Variants in CYRIB observed in about 807,000 individuals in gnomAD.
CYRIB encodes CYFIP related Rac1 interactor B, also known as CYFIP-related Rac1 interactor B.
CYRIB carries 8 observed loss-of-function variants against 44.2 expected under a neutral mutation model. The ratio of observed to expected loss-of-function variants is 0.18; its 90% confidence interval spans 0.11 to 0.33. The LOEUF (loss-of-function observed/expected upper bound fraction) is 0.33. Ranked by LOEUF, CYRIB falls within the 10% of genes least tolerant of loss-of-function variation. CYRIB has a pLI of 1.00. For missense variants in CYRIB, 185 were observed against 382.8 expected (o/e 0.48, Z 4.31); for synonymous variants, 131 against 127.2 (o/e 1.03, Z -0.20).
chr8:129,992,016 TC>T (rs2096650887), intron 1 of CYRIB, among the ~76,000 whole-genome samples: 1 of 138,440 alleles, frequency 7.2e-6, no homozygotes, highest in Admixed American at 7.4e-5. Context: ...TGTGGTATGA[TC>T]CGAGTAATAC....
At chr8:129,930,364 C>CTTTT (rs1233338484) in intron 1 of CYRIB, among the ~76,000 whole-genome samples, 2 of 4,022 alleles carry the variant, frequency 5.0e-4, no homozygotes, top group African/African-American at 8.5e-4. Flanking sequence ...TTGTGAAGTG[C>CTTTT]TTATATATAT....
intron 2 of CYRIB, among the ~76,000 whole-genome samples, chr8:129,951,533 C>T (rs1048033579): frequency 1.8e-4 from 27 of 151,780 alleles, no homozygotes; most frequent in South Asian, 2.1e-4. Flanking sequence ...GGTGAAACCC[C>T]GTTTCTACTA....
intron 1 of CYRIB, among the ~76,000 whole-genome samples, chr8:129,976,276 T>C (rs1213015827): frequency 6.6e-6 from 1 of 152,168 alleles, no homozygotes; most frequent in Non-Finnish European, 1.5e-5. Context: ...TAACAACGCT[T>C]TATTGCTTTA....
chr8:129,958,547 A>T (rs2095020332), intron 2 of CYRIB, among the ~76,000 whole-genome samples: 1 of 152,224 alleles, frequency 6.6e-6, no homozygotes. Context: ...GTATACAATT[A>T]CATAATAGCT....
At chr8:129,855,458 C>T (rs1056298062) in intron 6 of CYRIB, 153 bp downstream of exon 8, 11 of 715,240 alleles carry the variant, frequency 1.5e-5, no homozygotes, top group Middle Eastern at 4.2e-4. Flanking sequence ...TCAAAAGACC[C>T]GTCATTAATT....
At chr8:129,851,071 C>A in intron 8 of CYRIB, 157 bp from the exon 11 acceptor site, 1 of 600,806 alleles carries the variant, frequency 1.7e-6, no homozygotes, top group Non-Finnish European at 2.9e-6. Context: ...AGCAACTGTT[C>A]CAAGCACTGG....
intron 2 of CYRIB, among the ~76,000 whole-genome samples, chr8:129,894,959 AG>A (rs150566407): frequency 0.018 from 2,639 of 150,260 alleles, 94 homozygotes; most frequent in African/African-American, 0.061. Context: ...TTTTTGAGAC[AG>A]GGTCTTGCTC....
At chr8:129,968,725 T>C (rs17194407) in intron 2 of CYRIB, among the ~76,000 whole-genome samples, 7,081 of 152,276 alleles carry the variant, frequency 0.047, 169 homozygotes, top group Middle Eastern at 0.068. Flanking sequence ...TCCACAACCA[T>C]ATATAGTACA....
intron 4 of CYRIB, among the ~76,000 whole-genome samples, chr8:129,867,984 T>C (rs889174075): frequency 6.6e-5 from 10 of 152,218 alleles, no homozygotes; most frequent in African/African-American, 2.2e-4. Flanking sequence ...CAACCAAAAC[T>C]TCTTCACAGT....
intron 4 of CYRIB, among the ~76,000 whole-genome samples, chr8:129,864,216 T>C (rs373901952): frequency 1.3e-5 from 2 of 152,388 alleles, no homozygotes; most frequent in South Asian, 2.1e-4. Context: ...ATCCTACTTA[T>C]GTCATTAATC....
intron 2 of CYRIB, chr8:129,901,477 T>C (rs928578512): frequency 6.6e-6 from 1 of 152,200 alleles, no homozygotes; most frequent in African/African-American, 2.4e-5. Context: ...CCTCCCGAAG[T>C]GCGAGGATTA....
chr8:129,986,870 T>A (rs1211402445), intron 1 of CYRIB, among the ~76,000 whole-genome samples: 2 of 152,150 alleles, frequency 1.3e-5, no homozygotes, highest in African/African-American at 4.8e-5. Context: ...CCCCTTCTGG[T>A]AATGGCACTG....
intron 1 of CYRIB, among the ~76,000 whole-genome samples, chr8:129,920,596 T>C (rs974489065): frequency 6.6e-6 from 1 of 152,112 alleles, no homozygotes; most frequent in Non-Finnish European, 1.5e-5. Context: ...GTAACAGACT[T>C]CCATATCATC....
At chr8:129,858,768 T>C (rs924088168) in intron 5 of CYRIB, among the ~76,000 whole-genome samples, 1 of 152,162 alleles carries the variant, frequency 6.6e-6, no homozygotes, top group Non-Finnish European at 1.5e-5. Flanking sequence ...CCCTAAAGCA[T>C]GAGCAAGACT....
chr8:129,898,680 C>T (rs2069624885), intron 2 of CYRIB, among the ~76,000 whole-genome samples: 1 of 152,120 alleles, frequency 6.6e-6, no homozygotes, highest in Non-Finnish European at 1.5e-5. Context: ...CATAACCAAA[C>T]AGAATACAAA....
chr8:130,010,961 G>A (rs572190361), intron 1 of CYRIB, among the ~76,000 whole-genome samples: 9 of 152,176 alleles, frequency 5.9e-5, no homozygotes, highest in Admixed American at 6.5e-5. Flanking sequence ...CACGTGATGC[G>A]CAGCACACTC....
At chr8:129,951,156 T>C (rs1480638988) in intron 2 of CYRIB, among the ~76,000 whole-genome samples, 1 of 151,764 alleles carries the variant, frequency 6.6e-6, no homozygotes, top group Non-Finnish European at 1.5e-5. Context: ...ATACAAAAAT[T>C]AGCCAGGTGT....
intron 2 of CYRIB, among the ~76,000 whole-genome samples, chr8:129,969,875 C>T (rs142296924): frequency 3.9e-5 from 6 of 152,306 alleles, no homozygotes; most frequent in East Asian, 1.9e-4. Flanking sequence ...CCAAGAGAGA[C>T]GCCCATTGGG....
At chr8:130,008,059 A>G (rs577436560) in intron 1 of CYRIB, among the ~76,000 whole-genome samples, 1 of 151,832 alleles carries the variant, frequency 6.6e-6, no homozygotes, top group South Asian at 2.1e-4. Context: ...AAGTACAAAA[A>G]TTAGCCAGGT....
Sources: allele counts gnomAD v4.1 joint callset (sites outside exome capture counted in the v4.1 genomes callset), GRCh38; gene constraint gnomAD v4.1.1; transcripts MANE v1.5; gene names NCBI Gene and HGNC (gene_info 2026-07-23, HGNC 2026-07-21).